Variants in DOCK3 observed in about 807,000 individuals in gnomAD.
The protein encoded by DOCK3 is dedicator of cytokinesis 3, also known as dedicator of cytokinesis protein 3.
In DOCK3, 60 loss-of-function variants were observed where a neutral mutation model predicts 265.6. The ratio of observed to expected loss-of-function variants is 0.23; its 90% CI spans 0.18 to 0.28. The LOEUF (loss-of-function observed/expected upper bound fraction) is 0.28, where lower values mean the gene tolerates loss of function less well. DOCK3 is among the 10% of genes least tolerant of loss of function. The pLI is 1.00. For synonymous variants in DOCK3, 881 were observed against 938.0 expected, an observed-to-expected ratio of 0.94 and a Z score of 1.11; for missense variants, 1,981 against 2,594.3, an observed-to-expected ratio of 0.76 and a Z score of 5.14.
intron 9 of DOCK3, among the ~76,000 whole-genome samples, chr3:51,134,319 G>T (rs368815594): frequency 6.9e-4 from 105 of 152,232 alleles, no homozygotes; most frequent in African/African-American, 2.5e-3. Context: ...TGGGTGAAAT[G>T]GTAGTTCTGT....
intron 23 of DOCK3, among the ~76,000 whole-genome samples, chr3:51,262,077 T>C (rs916708225): frequency 1.3e-5 from 2 of 152,226 alleles, no homozygotes; most frequent in Non-Finnish European, 2.9e-5. Context: ...AGGGACAGAC[T>C]GTCTCCTTAA....
intron 1 of DOCK3, among the ~76,000 whole-genome samples, chr3:50,729,812 G>A (rs1040119372): frequency 6.7e-6 from 1 of 149,810 alleles, no homozygotes; most frequent in Admixed American, 6.7e-5. Flanking sequence ...CACTGTGCCT[G>A]CTCTGAATTT....
chr3:50,881,396 A>C (rs2048014413), intron 3 of DOCK3: 1 of 152,244 alleles, frequency 6.6e-6, no homozygotes, highest in Admixed American at 6.5e-5. Context: ...AAATCTCCTT[A>C]AGCTGATAAG....
chr3:51,249,184 C>T (rs1382910437), intron 22 of DOCK3, among the ~76,000 whole-genome samples: 2 of 140,612 alleles, frequency 1.4e-5, no homozygotes, highest in East Asian at 2.3e-4. Context: ...CCAGCTGCCC[C>T]ATCCGGCAGG....
intron 14 of DOCK3, among the ~76,000 whole-genome samples, chr3:51,222,191 G>A (rs2090129416): frequency 6.6e-6 from 1 of 152,138 alleles, no homozygotes; most frequent in Non-Finnish European, 1.5e-5. Flanking sequence ...TCATTGTAAT[G>A]TGCCTGCCCT....
intron 4 of DOCK3, among the ~76,000 whole-genome samples, chr3:50,903,763 A>G (rs2049323617): frequency 6.6e-6 from 1 of 151,518 alleles, no homozygotes; most frequent in African/African-American, 2.4e-5. Context: ...TTTTTTATTT[A>G]AATGTGTATT....
In DOCK3 at chr3:50,714,018, A is replaced by G. The variant is rs185623302; in HGVS notation, c.37+38718A>G. Among the ~76,000 whole-genome samples, 5 of 152,120 alleles carry G rather than the reference A, an allele frequency of 3.3e-5. No individual in the cohort carries two copies. The East Asian group carries it at 5.8e-4, about 18-fold the overall frequency. ...TTTTAATTTCAGATGAGCTCTTACA[A>G]TATTGCCCAGGATGGAGTGCAGAGG... is the stretch of plus-strand genomic sequence containing the variant. On this transcript the variant is annotated intron_variant, in intron 1 of 52. Coordinates refer to ENST00000266037, the MANE Select transcript of DOCK3 (RefSeq NM_004947.5).
intron 9 of DOCK3, among the ~76,000 whole-genome samples, chr3:51,107,837 C>G (rs1363547225): frequency 6.6e-6 from 1 of 152,076 alleles, no homozygotes; most frequent in Non-Finnish European, 1.5e-5. Context: ...ATGCAGAAAA[C>G]TCCCAGAAAA....
At chr3:51,172,887 T>C (rs2086754360) in intron 12 of DOCK3, among the ~76,000 whole-genome samples, 1 of 152,234 alleles carries the variant, frequency 6.6e-6, no homozygotes, top group South Asian at 2.1e-4. Flanking sequence ...CAATTTAAGT[T>C]GATACAATAG....
rs945278674 is a variant in DOCK3, at chr3:51,075,494, T to C, written c.549+54T>C. The C allele has an allele frequency of 7.0e-6, 10 of 1,419,728 alleles. No homozygotes were observed. The African/African-American group carries it at 1.2e-4, about 17-fold the overall frequency. The allele number at this position is 1,419,728 out of a possible 1,614,324, so 87.9% of individuals were successfully genotyped here. A position where few individuals can be genotyped will look rare whatever the true frequency, so the allele number is the denominator to read the frequency against. ...TCCTGCATACCTCATTTTTTCTCTT[T>C]TGTTTATTTTCTCTAATGTTATGAA... On this transcript the variant is annotated intron_variant, in intron 7 of 52. Coordinates refer to ENST00000266037, the MANE Select transcript of DOCK3 (RefSeq NM_004947.5).
At chr3:51,082,040 T>C (rs537589716) in intron 7 of DOCK3, among the ~76,000 whole-genome samples, 3 of 152,020 alleles carry the variant, frequency 2.0e-5, no homozygotes, top group South Asian at 4.2e-4. Flanking sequence ...ATACTGGAGT[T>C]CATCAGGGAA....
At chr3:51,121,588 A>G (rs1289997772) in intron 9 of DOCK3, among the ~76,000 whole-genome samples, 1 of 152,192 alleles carries the variant, frequency 6.6e-6, no homozygotes, top group Non-Finnish European at 1.5e-5. Flanking sequence ...ACCTGCAATC[A>G]TAAATAAGTT....
At chr3:51,218,516 G>C (rs527657261) in intron 14 of DOCK3, among the ~76,000 whole-genome samples, 1 of 152,280 alleles carries the variant, frequency 6.6e-6, no homozygotes, top group Admixed American at 6.5e-5. Context: ...AGCCAGCAGA[G>C]ATGTGCTACC....
chr3:50,964,471 G>A (rs1036952558), intron 5 of DOCK3, among the ~76,000 whole-genome samples: 6 of 152,080 alleles, frequency 3.9e-5, no homozygotes, highest in African/African-American at 1.2e-4. Context: ...GAAAAATTAC[G>A]TCTGGGATAA....
At chr3:50,784,806 A>G (rs1209125430) in intron 2 of DOCK3, among the ~76,000 whole-genome samples, 2 of 152,042 alleles carry the variant, frequency 1.3e-5, no homozygotes, top group Non-Finnish European at 2.9e-5. Context: ...TCTTGATTTG[A>G]TTCTTAGCCT....
At chr3:50,736,781 C>G (rs2038654212) in intron 1 of DOCK3, among the ~76,000 whole-genome samples, 1 of 150,674 alleles carries the variant, frequency 6.6e-6, no homozygotes, top group African/African-American at 2.4e-5. Context: ...ACTGCAAGCT[C>G]CGCCTCCCAG....
At chr3:50,947,404 G>A (rs1288570022) in intron 5 of DOCK3, among the ~76,000 whole-genome samples, 1 of 151,974 alleles carries the variant, frequency 6.6e-6, no homozygotes, top group Non-Finnish European at 1.5e-5. Context: ...TCAGTGTGAA[G>A]TAAATTTCCA....
chr3:50,820,637 A>G (rs1471177), intron 2 of DOCK3, among the ~76,000 whole-genome samples: 14,374 of 152,126 alleles, frequency 0.094, 838 homozygotes, highest in Non-Finnish European at 0.12. Context: ...ATAAACATGC[A>G]AGTACGTGTG....
At chr3:50,808,326 C>T (rs1022086851) in intron 2 of DOCK3, among the ~76,000 whole-genome samples, 1 of 152,112 alleles carries the variant, frequency 6.6e-6, no homozygotes, top group African/African-American at 2.4e-5. Context: ...AAAAATCCAG[C>T]AGGCTTTTTT....
Sources: gnomAD v4.1 joint callset for allele counts (sites outside exome capture counted in the v4.1 genomes callset) on GRCh38, gnomAD v4.1.1 for gene constraint, MANE v1.5 for transcripts, NCBI Gene and HGNC (gene_info 2026-07-23, HGNC 2026-07-21) for gene names.